Variants in KMT2A observed in about 807,000 individuals in gnomAD.
KMT2A encodes the protein lysine methyltransferase 2A.
A neutral mutation model predicts 345.3 loss-of-function variants in KMT2A; 16 were observed. The ratio of observed to expected loss-of-function variants is 0.05; its 90% CI spans 0.03 to 0.07. KMT2A has a LOEUF of 0.07. KMT2A is among the 10% of genes least tolerant of loss of function. KMT2A has a pLI of 1.00. For missense variants in KMT2A, 3,272 were observed against 4,841.6 expected, an observed-to-expected ratio of 0.68 and a Z score of 9.62; for synonymous variants, 1,599 against 1,778.6, an observed-to-expected ratio of 0.90 and a Z score of 2.54.
chr11:118,475,672 G>A (rs1327701432), intron 3 of KMT2A, among the ~76,000 whole-genome samples: 1 of 152,082 alleles, frequency 6.6e-6, no homozygotes, highest in Non-Finnish European at 1.5e-5. Context: ...GCAGTGAGCC[G>A]AGATCACGGC....
intron 1 of KMT2A, chr11:118,447,527 A>G: frequency 4.0e-6 from 1 of 249,716 alleles, no homozygotes; most frequent in Non-Finnish European, 8.3e-6. Flanking sequence ...GGGTTTTGAA[A>G]GCGATGTTAG....
In KMT2A at chr11:118,477,851, A is replaced by G. The variant is rs1950067042; in HGVS notation, c.3335-116A>G. 7.1e-6 allele frequency: 5 copies of G among 708,460 alleles called. No homozygotes were observed. In the East Asian group the frequency reaches 1.4e-4, roughly 20 times the overall value. 43.9% of individuals were successfully genotyped at this position (708,460 alleles called of 1,614,324 possible). A position where few individuals can be genotyped will look rare whatever the true frequency, so the allele number is the denominator to read the frequency against. ...ACATTTAAATAATTATTTAAAATAGATTCTGAGTTCTGTATATAAATATTT... is the reference window on the plus strand; with the variant it reads ...ACATTTAAATAATTATTTAAAATAGGTTCTGAGTTCTGTATATAAATATTT... On this transcript the variant is annotated intron_variant, in intron 4 of 35. Transcript: ENST00000534358.
chr11:118,485,044 A>C, intron 10 of KMT2A, 69 bp downstream of exon 10: 2 of 954,146 alleles, frequency 2.1e-6, no homozygotes, highest in Non-Finnish European at 3.4e-6. Flanking sequence ...AAATTACTAT[A>C]GTCTGTTTTG....
rs1392709788 is a variant in KMT2A, at chr11:118,474,140, C to A, written c.2981C>A (p.Pro994His). Residue 994 changes from proline to histidine, a missense_variant, in exon 3 of 36, where the codon CCT becomes CAT. Coordinates refer to ENST00000534358, the MANE Select transcript of KMT2A (RefSeq NM_001197104.2). ...EKEKTLCLSTPSSSTVKHSTS... is the reference protein window; with the variant it reads ...EKEKTLCLSTHSSSTVKHSTS... ...GAGAAAACCCTCTGCCTTTCCACTC[C>A]TTCATCTAGCACTGTTAAACATTCC... 1 of 1,614,034 alleles carries A rather than the reference C, an allele frequency of 6.2e-7. No homozygotes were observed.
Position 118,503,530 on chromosome 11 carries a change from T to A in KMT2A, c.7638T>A (p.Ser2546Arg). The A allele has an allele frequency of 6.2e-7, 1 of 1,614,140 alleles. No individual in the cohort carries two copies. Among genetic ancestry groups the A allele is most frequent in the Non-Finnish European group, 8.5e-7 (1 of 1,180,010 alleles). The change falls in exon 27 of 36, where the codon AGT (serine) becomes AGA (arginine). Residue 2546 changes from serine (S) to arginine (R), a missense_variant. Ser to Arg is a moderately radical substitution (Grantham distance 110). Around this residue, in one of 27 missense-constraint regions of KMT2A, gnomAD observed 445 missense variants for 500.9 expected, o/e 0.89. Transcript: ENST00000534358. This position sits in a 1 kb window ranked among gnomAD's most constrained non-coding sequence, Gnocchi z 5.3. ...SQSKNALKESSPASPLQIEST... is the reference protein window; with the variant it reads ...SQSKNALKESRPASPLQIEST... Reference sequence around the variant, plus strand: ...CCAAAAATGCCCTGAAAGAAAGTAGTCCTGCTTCCCCTTTGCAAATAGAGT... The same window carrying A: ...CCAAAAATGCCCTGAAAGAAAGTAGACCTGCTTCCCCTTTGCAAATAGAGT...
Position 118,496,306 on chromosome 11 carries a change from CAGGCATAGA to C in KMT2A, c.5606_5614del (p.Gly1869_Glu1871del). 1 of 1,613,904 alleles carries C rather than the reference CAGGCATAGA, an allele frequency of 6.2e-7. No homozygotes were observed. The highest frequency in any genetic ancestry group is 8.5e-7 in the Non-Finnish European group (1 of 1,179,852). ...GACAGTCCAGAGCTGAACCCACCCC[CAGGCATAGA>C]AGACAATAGACAGTGTGCGTTATGT... On this transcript the variant is annotated inframe_deletion, in exon 20 of 36. Transcript: ENST00000534358. This position sits in a 1 kb window ranked among gnomAD's most constrained non-coding sequence, Gnocchi z 4.7.
chr11:118,454,462 C>A (rs1949602127), intron 1 of KMT2A, among the ~76,000 whole-genome samples: 2 of 152,150 alleles, frequency 1.3e-5, no homozygotes, highest in African/African-American at 4.8e-5. Flanking sequence ...CTGACTTTTT[C>A]TCATTTAGGC....
chr11:118,437,220 G>C (rs1555138952), intron 1 of KMT2A, among the ~76,000 whole-genome samples: 1 of 138,566 alleles, frequency 7.2e-6, no homozygotes, highest in Non-Finnish European at 1.5e-5. Context: ...CCCCCTCGCC[G>C]GGGTTTCCCA....
chr11:118,446,103 C>G (rs961261565), intron 1 of KMT2A, among the ~76,000 whole-genome samples: 13 of 152,098 alleles, frequency 8.5e-5, no homozygotes, highest in South Asian at 6.2e-4. Flanking sequence ...AATCCCAACA[C>G]TTTGGAAGGC....
At position 118,506,456 on chromosome 11, in the gene KMT2A, C is replaced by G; in HGVS notation, c.10564C>G (p.Pro3522Ala). The change falls in exon 27 of 36, where the codon CCA (proline) becomes GCA (alanine). Residue 3522 changes from proline (P) to alanine (A), a missense_variant. Pro to Ala is a conservative substitution (Grantham distance 27). This residue lies in a region of KMT2A where 748 missense variants were observed against 922.2 expected (regional missense o/e 0.81). Transcript: ENST00000534358. ...PTSPGGSPSS[P>A]SSGQRSASPS... The stretch of plus-strand genomic sequence containing the variant: ...CTCTCCTGGGGGTTCTCCATCCTCT[C>G]CATCTTCTGGACAGCGGTCAGCAAG... 1 of 1,614,212 alleles carries G rather than the reference C, an allele frequency of 6.2e-7. No individual in the cohort carries two copies. The highest frequency in any genetic ancestry group is 1.3e-5 in the African/African-American group (1 of 75,058).
Position 118,503,844 on chromosome 11 carries a change from ACAG to A in KMT2A, c.7957_7959del (p.Ser2654del), listed in dbSNP as rs1565303990. ...TATGGTGAAGAAGACATTCCATTCT[ACAG>A]CAGCTCAACTGGGAAGAAGCGAGGC... On this transcript the variant is annotated inframe_deletion, in exon 27 of 36. Transcript: ENST00000534358. This position sits in a 1 kb window ranked among gnomAD's most constrained non-coding sequence, Gnocchi z 5.3. 1.2e-6 allele frequency: 2 copies of A among 1,614,212 alleles called. No homozygotes were observed. The highest frequency in any genetic ancestry group is 8.5e-7 in the Non-Finnish European group (1 of 1,180,030).
Position 118,491,872 on chromosome 11 carries a change from G to A in KMT2A, c.4948G>A (p.Val1650Ile), listed in dbSNP as rs782309932. 1.2e-6 allele frequency: 2 copies of A among 1,614,082 alleles called. No individual in the cohort carries two copies. The highest frequency in any genetic ancestry group is 1.7e-6 in the Non-Finnish European group (2 of 1,180,026). ...AGAGCTGCAGATTTCTCTGAAGCAA[G>A]TTCTGACAGCTTTGTTGAATTCTCG... Reference protein sequence around the residue: ...EKELQISLKQVLTALLNSRTT... With the variant: ...EKELQISLKQILTALLNSRTT... Residue 1650 changes from valine to isoleucine, a missense_variant, in exon 15 of 36, where the codon GTT becomes ATT. This residue lies in a region of KMT2A where 66 missense variants were observed against 80.1 expected (regional missense o/e 0.82). Transcript: ENST00000534358. The surrounding 1 kb of genome is among the most constrained non-coding windows in gnomAD (Gnocchi z 4.2).
Position 118,436,557 on chromosome 11 carries a change from C to G in KMT2A, c.45C>G (p.Thr15=). 8.2e-7 allele frequency: 1 copy of G among 1,221,048 alleles called. No homozygotes were observed. The highest frequency in any genetic ancestry group is 1.0e-6 in the Non-Finnish European group (1 of 968,490). The allele number at this position is 1,221,048 out of a possible 1,614,324, so 75.6% of individuals were successfully genotyped here. Residue 15 remains threonine, a synonymous_variant, in exon 1 of 36, where the codon ACC becomes ACG. Transcript: ENST00000534358. This position sits in a 1 kb window ranked among gnomAD's most constrained non-coding sequence, Gnocchi z 6.9. ...GGCGCTTCCCCGCCCGACCCGGGAC[C>G]ACCGGGGGCGGCGGCGGCGGGGGGC... The part of the protein sequence containing the change: ...CRWRFPARPG[T]TGGGGGGGRR...
intron 31 of KMT2A, among the ~76,000 whole-genome samples, chr11:118,513,937 C>CA (rs1178939991): frequency 0.12 from 5,859 of 46,992 alleles, 234 homozygotes; most frequent in Non-Finnish European, 0.16. Flanking sequence ...GACCCTGTCT[C>CA]AAAAAAAAAA....
chr11:118,446,313 C>A (rs1432691362), intron 1 of KMT2A, among the ~76,000 whole-genome samples: 1 of 152,152 alleles, frequency 6.6e-6, no homozygotes, highest in African/African-American at 2.4e-5. Context: ...CACACCACTG[C>A]ATTCCATCCT....
chr11:118,438,404 C>T (rs2134161639), intron 1 of KMT2A, among the ~76,000 whole-genome samples: 1 of 145,220 alleles, frequency 6.9e-6, no homozygotes, highest in Admixed American at 7.3e-5. Context: ...CATTTGTTTT[C>T]CATTGGATGC....
intron 1 of KMT2A, chr11:118,458,092 G>A: frequency 3.3e-6 from 1 of 303,452 alleles, no homozygotes; most frequent in South Asian, 2.4e-5. Context: ...TTTTATTTTG[G>A]TTTATTTTTG....
At chr11:118,467,544 T>C (rs1350034506) in intron 1 of KMT2A, among the ~76,000 whole-genome samples, 3 of 152,236 alleles carry the variant, frequency 2.0e-5, no homozygotes, top group Non-Finnish European at 2.9e-5. Context: ...AGGCTGGGCC[T>C]TAAATGTTTT....
chr11:118,486,709 C>T (rs950419203), intron 10 of KMT2A, among the ~76,000 whole-genome samples: 2 of 150,570 alleles, frequency 1.3e-5, no homozygotes, highest in Non-Finnish European at 2.9e-5. Flanking sequence ...CTCATCTCTA[C>T]TAAAAAAAAA....
Sources: gnomAD v4.1 joint callset for allele counts (sites outside exome capture counted in the v4.1 genomes callset) on GRCh38, gnomAD v4.1.1 for gene constraint, gnomAD v4.1.1 regional missense constraint, Gnocchi (gnomAD v3.1) non-coding constraint, MANE v1.5 for transcripts, NCBI Gene and HGNC (gene_info 2026-07-23, HGNC 2026-07-21) for gene names.